Variants in NXN observed in about 807,000 individuals in gnomAD.
The protein encoded by NXN is nucleoredoxin.
In NXN, 16 loss-of-function variants were observed where a neutral mutation model predicts 48.6. That is an observed-to-expected ratio of 0.33 (90% CI 0.22 to 0.50). NXN has a LOEUF of 0.50. NXN is among the 20% of genes least tolerant of loss of function. The pLI, the probability that NXN is intolerant of heterozygous loss-of-function variation, is 0.98. For synonymous variants in NXN, 281 were observed against 269.6 expected (o/e 1.04, Z -0.41); for missense variants, 492 against 605.5 (o/e 0.81, Z 1.97).
Position 830,738 on chromosome 17 carries a change from C to T in NXN, c.361-4660G>A, listed in dbSNP as rs994422654. Among the ~76,000 whole-genome samples, 2 of 152,200 alleles carry T rather than the reference C, an allele frequency of 1.3e-5. No individual in the cohort carries two copies. Among genetic ancestry groups the T allele is most frequent in the African/African-American group, 4.8e-5 (2 of 41,444 alleles). ...ATTTGGGGCCGGGCACGATGGCTCA[C>T]GCCTGTAATCCCAGCAGTTTGGGAG... On this transcript the variant is annotated intron_variant, in intron 1 of 7. Coordinates refer to ENST00000336868, the MANE Select transcript of NXN (RefSeq NM_022463.5). The surrounding 1 kb of genome is among the most constrained non-coding windows in gnomAD (Gnocchi z 4.2).
At chr17:820,026 C>T (rs1912736469) in intron 4 of NXN, among the ~76,000 whole-genome samples, 1 of 152,158 alleles carries the variant, frequency 6.6e-6, no homozygotes, top group Non-Finnish European at 1.5e-5. Context: ...CAGGGGATCC[C>T]AGGGCTGGGT....
At chr17:818,773 T>A (rs1912637140) in intron 5 of NXN, among the ~76,000 whole-genome samples, 3 of 151,560 alleles carry the variant, frequency 2.0e-5, no homozygotes, top group South Asian at 4.2e-4. Flanking sequence ...TAGTCCCAGC[T>A]ACTGGGGAGG....
At chr17:816,248 A>G (rs970249257) in intron 5 of NXN, among the ~76,000 whole-genome samples, 3 of 152,170 alleles carry the variant, frequency 2.0e-5, no homozygotes, top group Non-Finnish European at 4.4e-5. Flanking sequence ...TCTGGGGACG[A>G]AGACCTGAAT....
At chr17:914,089 A>G (rs541944033) in intron 1 of NXN, among the ~76,000 whole-genome samples, 4 of 152,086 alleles carry the variant, frequency 2.6e-5, no homozygotes, top group Non-Finnish European at 4.4e-5. Flanking sequence ...TAATAGAGAC[A>G]GGGTTTCGCC....
intron 1 of NXN, among the ~76,000 whole-genome samples, chr17:949,675 C>T (rs2069087370): frequency 1.1e-5 from 1 of 94,390 alleles, no homozygotes; most frequent in African/African-American, 4.0e-5. Context: ...CCTCCTCTCC[C>T]CGTGGCCTCC....
chr17:948,727 G>A (rs773077195), intron 1 of NXN, among the ~76,000 whole-genome samples: 3 of 151,630 alleles, frequency 2.0e-5, no homozygotes, highest in African/African-American at 4.8e-5. Context: ...CCGCCCCAGC[G>A]CTCGGAGGCT....
intron 1 of NXN, among the ~76,000 whole-genome samples, chr17:899,822 C>T (rs963209305): frequency 6.6e-6 from 1 of 151,980 alleles, no homozygotes; most frequent in Admixed American, 6.6e-5. Flanking sequence ...CCCAGGAGTT[C>T]GAGGCTGCAG....
chr17:905,400 A>G (rs952339911), intron 1 of NXN, among the ~76,000 whole-genome samples: 2 of 152,072 alleles, frequency 1.3e-5, no homozygotes, highest in Non-Finnish European at 2.9e-5. Context: ...TCCAGGTGAC[A>G]GAACGAGATC....
chr17:841,423 A>G (rs1914205713), intron 1 of NXN, among the ~76,000 whole-genome samples: 1 of 123,822 alleles, frequency 8.1e-6, no homozygotes, highest in Non-Finnish European at 1.9e-5. Context: ...ACCACGGCGC[A>G]TCTCACACGG....
chr17:971,439 G>A lies in NXN; in HGVS notation c.360+7880C>T, dbSNP rs149242192. Among the ~76,000 whole-genome samples the A allele has an allele frequency of 5.7e-3, 864 of 152,048 alleles. 8 individuals carry two copies. The highest frequency in any genetic ancestry group is 0.019 in the African/African-American group (802 of 41,510). On this transcript the variant is annotated intron_variant, in intron 1 of 7. Transcript: ENST00000336868. Reference sequence around the variant, plus strand: ...TGAGAAACAAAAACAGACCGAGCGCGGTGGCTCACGCCTGTCATCCCAGCA... The same window carrying A: ...TGAGAAACAAAAACAGACCGAGCGCAGTGGCTCACGCCTGTCATCCCAGCA...
chr17:858,600 C>T (rs552354458), intron 1 of NXN, among the ~76,000 whole-genome samples: 2 of 151,880 alleles, frequency 1.3e-5, no homozygotes, highest in African/African-American at 2.4e-5. Flanking sequence ...TGGTGGCGGG[C>T]GCCTGTAGTC....
At chr17:975,075 T>C (rs1425736728) in intron 1 of NXN, among the ~76,000 whole-genome samples, 1 of 152,094 alleles carries the variant, frequency 6.6e-6, no homozygotes, top group Non-Finnish European at 1.5e-5. Flanking sequence ...TCCCCCCACC[T>C]TGGCCTCCCA....
chr17:931,156 G>A (rs758157202), intron 1 of NXN, among the ~76,000 whole-genome samples: 13 of 151,874 alleles, frequency 8.6e-5, no homozygotes, highest in South Asian at 2.1e-4. Context: ...GTGTGGTGTC[G>A]CACGCCTGTA....
intron 5 of NXN, among the ~76,000 whole-genome samples, chr17:806,921 T>TACAC (rs5818767): frequency 6.3e-4 from 93 of 148,296 alleles, no homozygotes; most frequent in Non-Finnish European, 1.0e-3. Flanking sequence ...CACACTCACA[T>TACAC]ACACACACAC....
chr17:928,814 T>C (rs2068826263), intron 1 of NXN, among the ~76,000 whole-genome samples: 1 of 151,684 alleles, frequency 6.6e-6, no homozygotes, highest in Admixed American at 6.6e-5. Context: ...CCAGCCTGGG[T>C]GACAGAGTGA....
At chr17:855,977 G>A (rs1474461378) in intron 1 of NXN, among the ~76,000 whole-genome samples, 2 of 152,064 alleles carry the variant, frequency 1.3e-5, no homozygotes, top group South Asian at 2.1e-4. Context: ...GGCAGATCAC[G>A]AGGTCAGGAG....
In NXN at chr17:826,078, G is replaced by A; in HGVS notation, c.361C>T (p.Leu121Phe). The stretch of plus-strand genomic sequence containing the variant: ...ATTCGGTATTTGTTCCAAAGTTTGA[G>A]CTGTATGAAGAAAAGCAAAAGAAGG... Reference protein sequence around the residue: ...ALPYKEKHRKLKLWNKYRISN... With the variant: ...ALPYKEKHRKFKLWNKYRISN... The change falls in exon 2 of 8, where the codon CTC becomes TTC. Residue 121 changes from leucine (L) to phenylalanine (F), a missense_variant and splice_region_variant. This residue lies in a region of NXN where 186 missense variants were observed against 199.1 expected (regional missense o/e 0.93). Coordinates refer to ENST00000336868, the MANE Select transcript of NXN (RefSeq NM_022463.5). The A allele has an allele frequency of 6.2e-7, 1 of 1,602,898 alleles. No individual in the cohort carries two copies.
At position 931,285 on chromosome 17, in the gene NXN, C is replaced by CA. The variant is rs778432060; in HGVS notation, c.360+48033dup. Among the ~76,000 whole-genome samples, 377 of 107,056 alleles carry CA rather than the reference C, an allele frequency of 3.5e-3. 1 individual carries two copies. Among genetic ancestry groups the CA allele is most frequent in the East Asian group, 0.032 (119 of 3,680 alleles). 70.2% of individuals were successfully genotyped at this position (107,056 alleles called of 152,430 possible). ...CTGGGCGACAGAGCGAGACTCCATC[C>CA]AAAAAAAAAAAAAAAAAATTAGCTG... On this transcript the variant is annotated intron_variant, in intron 1 of 7. Transcript: ENST00000336868.
At chr17:934,160 G>A (rs117420946) in intron 1 of NXN, among the ~76,000 whole-genome samples, 8,457 of 151,984 alleles carry the variant, frequency 0.056, 365 homozygotes, top group South Asian at 0.14. Flanking sequence ...CCAGCACCCC[G>A]GGAGGCCGGG....
Sources: gnomAD v4.1 joint callset for allele counts (sites outside exome capture counted in the v4.1 genomes callset) on GRCh38, gnomAD v4.1.1 for gene constraint, gnomAD v4.1.1 regional missense constraint, Gnocchi (gnomAD v3.1) non-coding constraint, MANE v1.5 for transcripts, NCBI Gene and HGNC (gene_info 2026-07-23, HGNC 2026-07-21) for gene names.